NUP205: variants seen among roughly 807,000 people sequenced by gnomAD.
NUP205 encodes nucleoporin 205.
A neutral mutation model predicts 253.8 loss-of-function variants in NUP205; 76 were observed. That is an observed-to-expected ratio of 0.30 (90% CI 0.25 to 0.36). The LOEUF (loss-of-function observed/expected upper bound fraction) is 0.36, where lower values mean the gene tolerates loss of function less well. Ranked by LOEUF, NUP205 falls within the 10% of genes least tolerant of loss-of-function variation. The probability of loss-of-function intolerance (pLI) is 1.00; values close to 1 mark genes in which losing one functional copy is unlikely to be tolerated. For synonymous variants in NUP205, 832 were observed against 850.1 expected, an observed-to-expected ratio of 0.98 and a Z score of 0.37; for missense variants, 2,162 against 2,425.5, an observed-to-expected ratio of 0.89 and a Z score of 2.28.
At chr7:135,563,087 C>G (rs1805634579) in intron 1 of NUP205, among the ~76,000 whole-genome samples, 1 of 152,324 alleles carries the variant, frequency 6.6e-6, no homozygotes, top group East Asian at 1.9e-4. Context: ...ATTCTTTCCT[C>G]TGGCTAGGTC....
At position 135,568,096 on chromosome 7, in the gene NUP205, G is replaced by A. The variant is rs1309827142; in HGVS notation, c.29-3009G>A. On this transcript the variant is annotated intron_variant, in intron 1 of 42. Transcript: ENST00000285968. ...AAAAATTAGACGGGCGTGGTGGCAC[G>A]CCTGTAATCCCAGCTACTCAGGAAG... Among the ~76,000 whole-genome samples, 6 of 151,884 alleles carry A rather than the reference G, an allele frequency of 4.0e-5. No individual in the cohort carries two copies. The East Asian group carries it at 5.9e-4, about 15-fold the overall frequency.
At chr7:135,591,075 A>G (rs1012799468) in intron 10 of NUP205, among the ~76,000 whole-genome samples, 9 of 152,214 alleles carry the variant, frequency 5.9e-5, no homozygotes, top group African/African-American at 2.2e-4. Context: ...TAAATTTCCT[A>G]GGTCTAGATA....
Position 135,606,806 on chromosome 7 carries a change from C to G in NUP205, c.2961C>G (p.Ile987Met), listed in dbSNP as rs61756073. Residue 987 changes from isoleucine to methionine, a missense_variant, in exon 21 of 43, where the codon ATC becomes ATG. Physicochemically the swap from Ile to Met is conservative, Grantham distance 10. Around this residue, in one of 5 missense-constraint regions of NUP205, gnomAD observed 1,144 missense variants for 1,280.9 expected, o/e 0.89. Transcript: ENST00000285968. Reference sequence around the variant, plus strand: ...TTCGTCATGAAACAAGAATCCACATCTTGAATCTTCTCATTACCTCTCTGG... The same window carrying G: ...TTCGTCATGAAACAAGAATCCACATGTTGAATCTTCTCATTACCTCTCTGG... ...VAIRHETRIH[I>M]LNLLITSLEC... 419 of 1,613,520 alleles carry G rather than the reference C, an allele frequency of 2.6e-4. 2 individuals carry two copies. The Middle Eastern group carries it at 5.0e-3, about 19-fold the overall frequency.
At position 135,594,565 on chromosome 7, in the gene NUP205, G is replaced by T. The variant is rs1424937169; in HGVS notation, c.1849G>T (p.Ala617Ser). The change falls in exon 13 of 43, where the codon GCA becomes TCA. Residue 617 changes from alanine to serine, a missense_variant. Coordinates refer to ENST00000285968, the MANE Select transcript of NUP205 (RefSeq NM_015135.3). ...IITWSENARLALCEHPQWTPV... is the reference protein window; with the variant it reads ...IITWSENARLSLCEHPQWTPV... ...TTCTTAGAGTGAAAATGCTCGCTTGGCACTCTGTGAACACCCTCAGTGGAC... is the reference window on the plus strand; with the variant it reads ...TTCTTAGAGTGAAAATGCTCGCTTGTCACTCTGTGAACACCCTCAGTGGAC... 2 of 1,598,580 alleles carry T rather than the reference G, an allele frequency of 1.3e-6. No homozygotes were observed. The highest frequency in any genetic ancestry group is 1.7e-6 in the Non-Finnish European group (2 of 1,174,478).
chr7:135,619,443 G>T lies in NUP205; in HGVS notation c.3984G>T (p.Ala1328=), dbSNP rs181055416. The part of the protein sequence containing the change: ...VHDKILDDEA[A]QELMPVVAGA... The stretch of plus-strand genomic sequence containing the variant: ...TTAAGATACTGGATGATGAAGCTGC[G>T]CAAGAGTTAATGCCTGTGGTCGCCG... Residue 1328 remains alanine, a synonymous_variant, in exon 29 of 43, where the codon GCG becomes GCT. Transcript: ENST00000285968. 29 of 1,612,856 alleles carry T rather than the reference G, an allele frequency of 1.8e-5. 2 individuals carry two copies. In the East Asian group the frequency reaches 3.3e-4, roughly 19 times the overall value.
intron 40 of NUP205, 69 bp downstream of exon 40, chr7:135,645,087 A>G (rs1243181059): frequency 3.2e-6 from 5 of 1,565,362 alleles, no homozygotes; most frequent in Non-Finnish European, 3.5e-6. Flanking sequence ...TTATTCTCAT[A>G]TTATTTGGGC....
chr7:135,616,381 C>G (rs544292104), intron 24 of NUP205, among the ~76,000 whole-genome samples: 1 of 152,260 alleles, frequency 6.6e-6, no homozygotes, highest in South Asian at 2.1e-4. Context: ...CTTTTAAAAT[C>G]ATCTCATTGG....
At chr7:135,585,047 T>C (rs1342370183) in intron 8 of NUP205, 40 bp downstream of exon 8, 2 of 1,457,436 alleles carry the variant, frequency 1.4e-6, no homozygotes, top group Non-Finnish European at 1.9e-6. Flanking sequence ...AGTAGAAGAA[T>C]TTTATAAAAT....
intron 23 of NUP205, 103 bp from the exon 24 acceptor site, chr7:135,615,812 TG>T: frequency 1.6e-6 from 1 of 632,618 alleles, no homozygotes; most frequent in Non-Finnish European, 2.5e-6. Context: ...CATAAATTAT[TG>T]ACTTTGTTAC....
intron 1 of NUP205, among the ~76,000 whole-genome samples, chr7:135,563,014 C>A (rs1480378236): frequency 6.6e-6 from 1 of 152,142 alleles, no homozygotes; most frequent in Non-Finnish European, 1.5e-5. Flanking sequence ...CACCTCCCAC[C>A]TGTCAGTTAA....
rs1352891384 is a variant in NUP205, at chr7:135,643,611, T to C, written c.5559+253T>C. On this transcript the variant is annotated intron_variant, in intron 39 of 42. Transcript: ENST00000285968. ...CAGCTGGCCTTTGAATGAAGAGTTTTGGGTCATTTATACTCTAAAATCTGT... is the reference window on the plus strand; with the variant it reads ...CAGCTGGCCTTTGAATGAAGAGTTTCGGGTCATTTATACTCTAAAATCTGT... Among the ~76,000 whole-genome samples, 3 of 152,214 alleles carry C rather than the reference T, an allele frequency of 2.0e-5. No homozygotes were observed. The East Asian group carries it at 5.8e-4, about 29-fold the overall frequency.
intron 22 of NUP205, among the ~76,000 whole-genome samples, chr7:135,611,648 G>GT (rs201909823): frequency 0.035 from 5,211 of 147,992 alleles, 117 homozygotes; most frequent in Middle Eastern, 0.1. Flanking sequence ...GTTGTTTCCA[G>GT]TTTTTTTTTT....
chr7:135,597,286 A>G (rs1024438360), intron 13 of NUP205, 82 bp from the exon 14 acceptor site: 2 of 935,922 alleles, frequency 2.1e-6, no homozygotes, highest in Non-Finnish European at 3.5e-6. Flanking sequence ...TGGGTGAGGT[A>G]TGTGACTATT....
intron 23 of NUP205, among the ~76,000 whole-genome samples, chr7:135,615,332 A>G (rs1025576931): frequency 6.0e-4 from 91 of 152,290 alleles, no homozygotes; most frequent in African/African-American, 2.1e-3. Flanking sequence ...AGGCTGAGAC[A>G]GGAGGAACAC....
intron 1 of NUP205, among the ~76,000 whole-genome samples, chr7:135,561,607 A>G (rs903646133): frequency 1.6e-4 from 24 of 152,172 alleles, no homozygotes; most frequent in African/African-American, 4.3e-4. Flanking sequence ...TCACAGAGAA[A>G]ATAGGAGCCA....
At chr7:135,611,453 G>A (rs1794234923) in intron 22 of NUP205, among the ~76,000 whole-genome samples, 1 of 152,168 alleles carries the variant, frequency 6.6e-6, no homozygotes. Flanking sequence ...ATATCAAAAT[G>A]GTATCAAAAC....
rs566858050 is a variant in NUP205 at position 135,624,071 on chromosome 7, C to T, written c.4480-1093C>T. On this transcript the variant is annotated intron_variant, in intron 31 of 42. Coordinates refer to ENST00000285968, the MANE Select transcript of NUP205 (RefSeq NM_015135.3). ...TGCTGGGGTTACAGGCATGAGCCAC[C>T]ACACCCGGCCACCTTTTAAGTTATG... Among the ~76,000 whole-genome samples, 28 of 152,316 alleles carry T rather than the reference C, an allele frequency of 1.8e-4. No homozygotes were observed. The South Asian group carries it at 5.4e-3, about 29-fold the overall frequency.
At chr7:135,563,470 G>C (rs928997126) in intron 1 of NUP205, among the ~76,000 whole-genome samples, 1 of 152,122 alleles carries the variant, frequency 6.6e-6, no homozygotes, top group Non-Finnish European at 1.5e-5. Flanking sequence ...TTACAGGCGT[G>C]AGCCACTGTG....
chr7:135,637,912 G>A lies in NUP205; in HGVS notation c.5137-19G>A, dbSNP rs760349876. ...TACTAATTTTAAATACATTTAACAA[G>A]ATATCTTTTTCTTGTTAGCGCCAGT... On this transcript the variant is annotated intron_variant, in intron 36 of 42. Transcript: ENST00000285968. The A allele has an allele frequency of 6.3e-7, 1 of 1,594,724 alleles. No individual in the cohort carries two copies. Among genetic ancestry groups the A allele is most frequent in the Non-Finnish European group, 8.5e-7 (1 of 1,173,938 alleles).
Sources: gnomAD v4.1 joint callset for allele counts (sites outside exome capture counted in the v4.1 genomes callset) on GRCh38, gnomAD v4.1.1 for gene constraint, gnomAD v4.1.1 regional missense constraint, MANE v1.5 for transcripts, NCBI Gene and HGNC (gene_info 2026-07-23, HGNC 2026-07-21) for gene names.